Variants in MAP4K3 observed in about 807,000 individuals in gnomAD.
MAP4K3 encodes the protein MAPK/ERK kinase kinase kinase 3.
A neutral mutation model predicts 143.5 loss-of-function variants in MAP4K3; 94 were observed. That is an observed-to-expected ratio of 0.65 (90% confidence interval 0.55 to 0.78). MAP4K3 has a LOEUF of 0.78. MAP4K3 is among the 30% of genes least tolerant of loss of function. MAP4K3 has a pLI of 0.00. For missense variants in MAP4K3, 1,077 were observed against 1,068.1 expected (o/e 1.01, Z -0.12); for synonymous variants, 416 against 347.2 (o/e 1.20, Z -2.20).
intron 1 of MAP4K3, among the ~76,000 whole-genome samples, chr2:39,423,196 A>G (rs1664945474): frequency 6.6e-6 from 1 of 152,232 alleles, no homozygotes; most frequent in East Asian, 1.9e-4. Flanking sequence ...ACCATTAGGG[A>G]CAGCAAATTA....
At chr2:39,261,493 A>G (rs930176648) in intron 28 of MAP4K3, among the ~76,000 whole-genome samples, 24 of 152,260 alleles carry the variant, frequency 1.6e-4, no homozygotes, top group Admixed American at 3.3e-4. Flanking sequence ...ACAGTGAATA[A>G]GCATCCCAGA....
chr2:39,385,577 TA>T (rs1666480063), intron 1 of MAP4K3, among the ~76,000 whole-genome samples: 3 of 133,926 alleles, frequency 2.2e-5, no homozygotes, highest in East Asian at 2.1e-4. Context: ...TATATATATA[TA>T]TATATATATA....
intron 1 of MAP4K3, among the ~76,000 whole-genome samples, chr2:39,398,013 C>A (rs1045343262): frequency 6.6e-6 from 1 of 151,884 alleles, no homozygotes; most frequent in African/African-American, 2.4e-5. Context: ...GGGGGCATTC[C>A]AAGGACCCTC....
chr2:39,331,100 G>A lies in MAP4K3; in HGVS notation c.530+817C>T, dbSNP rs112361406. 3.5e-3 allele frequency among the ~76,000 whole-genome samples: 538 copies of A among 152,132 alleles called. 3 individuals are homozygous for A. Among genetic ancestry groups the A allele is most frequent in the African/African-American group, 0.012 (514 of 41,528 alleles). On this transcript the variant is annotated intron_variant, in intron 8 of 33. Transcript: ENST00000263881. Reference sequence around the variant, plus strand: ...ATGGTATATACATCATATTCTAAATGCAAAAAAATTAGTAGTAGCAATTAA... The same window carrying A: ...ATGGTATATACATCATATTCTAAATACAAAAAAATTAGTAGTAGCAATTAA...
intron 1 of MAP4K3, among the ~76,000 whole-genome samples, chr2:39,397,873 A>T (rs953334860): frequency 6.6e-6 from 1 of 152,238 alleles, no homozygotes; most frequent in African/African-American, 2.4e-5. Context: ...AAAGAAATAC[A>T]AATGGCCCTT....
At chr2:39,257,370 CTTAAAA>C (rs1680382826) in intron 31 of MAP4K3, among the ~76,000 whole-genome samples, 2 of 152,170 alleles carry the variant, frequency 1.3e-5, no homozygotes, top group African/African-American at 4.8e-5. Flanking sequence ...CTTCCATATA[CTTAAAA>C]TTCTCTGAGC....
chr2:39,255,023 T>G (rs1487886036), intron 31 of MAP4K3, among the ~76,000 whole-genome samples: 1 of 152,216 alleles, frequency 6.6e-6, no homozygotes, highest in Admixed American at 6.5e-5. Context: ...GCATCCCCTA[T>G]GTACCCTGCC....
chr2:39,277,973 C>T (rs1681342224), intron 24 of MAP4K3, among the ~76,000 whole-genome samples: 1 of 150,928 alleles, frequency 6.6e-6, no homozygotes, highest in South Asian at 2.1e-4. Flanking sequence ...ATGGTGAAAC[C>T]CTATCTCTAC....
At chr2:39,271,021 T>C (rs907348238) in intron 26 of MAP4K3, among the ~76,000 whole-genome samples, 11 of 152,020 alleles carry the variant, frequency 7.2e-5, no homozygotes, top group Admixed American at 4.6e-4. Flanking sequence ...GGAGGTGAAA[T>C]ACCCTTAGAG....
chr2:39,326,278 C>T lies in MAP4K3; in HGVS notation c.531-1G>A. 1 of 1,612,748 alleles carries T rather than the reference C, an allele frequency of 6.2e-7. No homozygotes were observed. The highest frequency in any genetic ancestry group is 8.5e-7 in the Non-Finnish European group (1 of 1,179,576). ...AACAGCTGCAACTTCTGGAGCCATC[C>T]TGAAATAAATATTCCAGAAAATAAA... On this transcript the variant is annotated splice_acceptor_variant, in intron 8 of 33. Coordinates refer to ENST00000263881, the MANE Select transcript of MAP4K3 (RefSeq NM_003618.4). LOFTEE classifies it high-confidence loss of function.
rs564612402 is a variant in MAP4K3, at chr2:39,383,738, T to C, written c.97-5615A>G. Among the ~76,000 whole-genome samples, 3 of 152,190 alleles carry C rather than the reference T, an allele frequency of 2.0e-5. No individual in the cohort carries two copies. The East Asian group carries it at 5.8e-4, about 29-fold the overall frequency. ...TATACCAATAAACCCTGAGCTGACA[T>C]GAAAATAGGAAACAGGGCAAATTCT... On this transcript the variant is annotated intron_variant, in intron 1 of 33. Coordinates refer to ENST00000263881, the MANE Select transcript of MAP4K3 (RefSeq NM_003618.4).
At chr2:39,293,986 G>A (rs907959011) in intron 16 of MAP4K3, 2 of 152,168 alleles carry the variant, frequency 1.3e-5, no homozygotes, top group African/African-American at 2.4e-5. Flanking sequence ...GAGAACTATG[G>A]CATTCCTGAA....
chr2:39,382,394 A>C (rs1297377596), intron 1 of MAP4K3, among the ~76,000 whole-genome samples: 1 of 152,224 alleles, frequency 6.6e-6, no homozygotes, highest in African/African-American at 2.4e-5. Context: ...GTGAATATGA[A>C]TACAAGTTCT....
chr2:39,359,768 C>G (rs950116457), intron 2 of MAP4K3, among the ~76,000 whole-genome samples: 1 of 152,244 alleles, frequency 6.6e-6, no homozygotes, highest in Non-Finnish European at 1.5e-5. Flanking sequence ...GGCTTGCACC[C>G]TCTGAGGCAA....
chr2:39,321,518 T>A (rs570047369), intron 12 of MAP4K3, among the ~76,000 whole-genome samples: 7 of 152,274 alleles, frequency 4.6e-5, no homozygotes, highest in African/African-American at 1.4e-4. Context: ...CCCCATGTGA[T>A]AGTCTGAAAT....
intron 1 of MAP4K3, among the ~76,000 whole-genome samples, chr2:39,398,329 A>T (rs1666864675): frequency 6.6e-6 from 1 of 152,150 alleles, no homozygotes; most frequent in Non-Finnish European, 1.5e-5. Context: ...AGGTCTTTAT[A>T]TACTGACTGA....
chr2:39,360,118 T>C (rs770298932), intron 2 of MAP4K3, among the ~76,000 whole-genome samples: 5 of 152,212 alleles, frequency 3.3e-5, no homozygotes, highest in African/African-American at 4.8e-5. Context: ...CTCTGCTTCC[T>C]CTTGAACGCT....
chr2:39,427,851 T>C (rs1455167372), intron 1 of MAP4K3, among the ~76,000 whole-genome samples: 1 of 152,224 alleles, frequency 6.6e-6, no homozygotes, highest in African/African-American at 2.4e-5. Context: ...TATCTGTATC[T>C]TATATATGTG....
intron 21 of MAP4K3, among the ~76,000 whole-genome samples, chr2:39,284,076 T>A (rs1681658687): frequency 6.6e-6 from 1 of 152,208 alleles, no homozygotes; most frequent in East Asian, 1.9e-4. Flanking sequence ...TTTTATTCCA[T>A]TATGCAAATA....
Sources: gnomAD v4.1 joint callset for allele counts (sites outside exome capture counted in the v4.1 genomes callset) on GRCh38, gnomAD v4.1.1 for gene constraint, MANE v1.5 for transcripts, NCBI Gene and HGNC (gene_info 2026-07-23, HGNC 2026-07-21) for gene names.